Variants in DNAJC3 observed in about 807,000 individuals in gnomAD.
DNAJC3 encodes the protein DnaJ heat shock protein family (Hsp40) member C3.
DNAJC3 carries 38 observed loss-of-function variants against 68.6 expected under a neutral mutation model. The observed-to-expected ratio is 0.55, with a 90% CI of 0.43 to 0.73. The LOEUF is 0.73. DNAJC3 is among the 30% of genes least tolerant of loss of function. The pLI, the probability that DNAJC3 is intolerant of heterozygous loss-of-function variation, is 0.00. For missense variants in DNAJC3, 526 were observed against 591.9 expected, an observed-to-expected ratio of 0.89 and a Z score of 1.16; for synonymous variants, 203 against 204.0, an observed-to-expected ratio of 1.00 and a Z score of 0.04.
rs1555327897 is a variant in DNAJC3 at position 95,760,087 on chromosome 13, T to G, written c.594T>G (p.Phe198Leu). The G allele has an allele frequency of 3.1e-6, 5 of 1,611,208 alleles. No homozygotes were observed. The highest frequency in any genetic ancestry group is 4.2e-6 in the Non-Finnish European group (5 of 1,178,486). ...AELRELRAECFIKEGEPRKAI... is the reference protein window; with the variant it reads ...AELRELRAECLIKEGEPRKAI... ...TACGGGAACTTCGAGCTGAATGTTT[T>G]ATAAAAGAAGGAGAACCTAGGAAAG... The change falls in exon 6 of 12, where the codon TTT becomes TTG. Residue 198 changes from phenylalanine (F) to leucine (L), a missense_variant. Phe to Leu is a conservative substitution (Grantham distance 22). Transcript: ENST00000602402.
chr13:95,790,767 A>G, intron 11 of DNAJC3, 106 bp from the exon 12 acceptor site: 1 of 1,293,638 alleles, frequency 7.7e-7, no homozygotes, highest in South Asian at 1.4e-5. Context: ...ACCGAAAAGT[A>G]AGTAGCTCCT....
chr13:95,757,215 C>T (rs1405735472), intron 4 of DNAJC3, among the ~76,000 whole-genome samples: 1 of 151,810 alleles, frequency 6.6e-6, no homozygotes, highest in Non-Finnish European at 1.5e-5. Context: ...TTCAGTTTCC[C>T]TATGTGTTTC....
At chr13:95,762,438 G>A (rs551340746) in intron 7 of DNAJC3, among the ~76,000 whole-genome samples, 63 of 152,218 alleles carry the variant, frequency 4.1e-4, no homozygotes, top group African/African-American at 1.3e-3. Flanking sequence ...CCCAGGGAAC[G>A]TCTTACCATG....
chr13:95,728,014 A>G (rs1484204805), intron 4 of DNAJC3, among the ~76,000 whole-genome samples: 3 of 152,196 alleles, frequency 2.0e-5, no homozygotes, highest in African/African-American at 7.2e-5. Context: ...TTATACAAAA[A>G]TCTTTTAGAA....
At chr13:95,778,786 T>C (rs1212169697) in intron 9 of DNAJC3, among the ~76,000 whole-genome samples, 2 of 152,246 alleles carry the variant, frequency 1.3e-5, no homozygotes, top group East Asian at 3.8e-4. Context: ...ACTGTGTTTA[T>C]TCAGTATTTT....
chr13:95,720,316 G>A (rs1242819214), intron 2 of DNAJC3, among the ~76,000 whole-genome samples: 1 of 152,118 alleles, frequency 6.6e-6, no homozygotes, highest in Non-Finnish European at 1.5e-5. Flanking sequence ...TGCTTAGTGT[G>A]AATAAGCCAT....
intron 4 of DNAJC3, among the ~76,000 whole-genome samples, chr13:95,752,882 G>C (rs1882524702): frequency 6.6e-6 from 1 of 152,166 alleles, no homozygotes; most frequent in Admixed American, 6.5e-5. Flanking sequence ...AATTTGGCCT[G>C]TCCTGTTAAG....
chr13:95,704,855 T>TTTTGTTTTTTTTG lies in DNAJC3; in HGVS notation c.83-4369_83-4368insGTTTTTTTTGTTT, dbSNP rs1336629409. Among the ~76,000 whole-genome samples the TTTTGTTTTTTTTG allele has an allele frequency of 1.4e-4, 20 of 138,988 alleles. 2 individuals are homozygous for TTTTGTTTTTTTTG. Among genetic ancestry groups the TTTTGTTTTTTTTG allele is most frequent in the African/African-American group, 5.9e-4 (19 of 32,286 alleles). 91.2% of individuals were successfully genotyped at this position (138,988 alleles called of 152,430 possible). On this transcript the variant is annotated intron_variant, in intron 1 of 11. Coordinates refer to ENST00000602402, the MANE Select transcript of DNAJC3 (RefSeq NM_006260.5). The stretch of plus-strand genomic sequence containing the variant: ...AGGACTAATCTGTGTGTGTGTGTTT[T>TTTTGTTTTTTTTG]TTTTTTTTTTTTTTGAGACAGAGTC...
chr13:95,690,759 T>C (rs1442969196), intron 1 of DNAJC3, among the ~76,000 whole-genome samples: 2 of 133,762 alleles, frequency 1.5e-5, no homozygotes, highest in Non-Finnish European at 1.6e-5. Context: ...CGCCCCTCAC[T>C]TTCCGGATGG....
chr13:95,734,948 T>A (rs1881849576), intron 4 of DNAJC3, among the ~76,000 whole-genome samples: 2 of 146,950 alleles, frequency 1.4e-5, no homozygotes, highest in South Asian at 4.5e-4. Flanking sequence ...TAGGTATATC[T>A]CCCGATGCTA....
intron 11 of DNAJC3, among the ~76,000 whole-genome samples, chr13:95,787,669 GTTTT>G (rs58483078): frequency 2.1e-5 from 3 of 143,048 alleles, no homozygotes; most frequent in Non-Finnish European, 4.6e-5. Flanking sequence ...GCTTATATGT[GTTTT>G]TTTTTTTTTT....
intron 1 of DNAJC3, among the ~76,000 whole-genome samples, chr13:95,682,876 G>T (rs905661214): frequency 1.3e-5 from 2 of 152,134 alleles, no homozygotes; most frequent in African/African-American, 2.4e-5. Context: ...ATTATAATAC[G>T]TTTAAGTAAA....
rs372006877 is a variant in DNAJC3, at chr13:95,691,828, G to A, written c.82+14491G>A. ...GGCACCTTGGGAGGCGGAGGCTGGC[G>A]GATCACTCGCGGTTAGGAGCTGGAG... On this transcript the variant is annotated intron_variant, in intron 1 of 11. Coordinates refer to ENST00000602402, the MANE Select transcript of DNAJC3 (RefSeq NM_006260.5). 4.5e-4 allele frequency among the ~76,000 whole-genome samples: 69 copies of A among 152,356 alleles called. 2 individuals carry two copies. The South Asian group carries it at 5.0e-3, about 11-fold the overall frequency.
intron 4 of DNAJC3, among the ~76,000 whole-genome samples, chr13:95,729,024 T>G (rs1881618174): frequency 6.6e-6 from 1 of 152,144 alleles, no homozygotes; most frequent in African/African-American, 2.4e-5. Context: ...GTAACTTTTT[T>G]TTTTGCTCCC....
In DNAJC3 at chr13:95,760,819, A is replaced by G. The variant is rs543985044; in HGVS notation, c.848+21A>G. On this transcript the variant is annotated intron_variant, in intron 7 of 11. Coordinates refer to ENST00000602402, the MANE Select transcript of DNAJC3 (RefSeq NM_006260.5). The stretch of plus-strand genomic sequence containing the variant: ...GGCAGGTGAGAATATGGTTGTTCCA[A>G]CTGTCCAGCCATTCCTTATGTGCGG... 8.1e-6 allele frequency: 13 copies of G among 1,606,072 alleles called. No individual in the cohort carries two copies. In the African/African-American group the frequency reaches 1.1e-4, roughly 13 times the overall value.
At chr13:95,728,310 T>C (rs77784931) in intron 4 of DNAJC3, among the ~76,000 whole-genome samples, 2,594 of 152,356 alleles carry the variant, frequency 0.017, 79 homozygotes, top group African/African-American at 0.059. Context: ...TGTACCATTT[T>C]ACATTCCTCT....
intron 1 of DNAJC3, among the ~76,000 whole-genome samples, chr13:95,690,867 G>T (rs1880222947): frequency 7.1e-6 from 1 of 141,018 alleles, no homozygotes. Context: ...AGGGGCGGCC[G>T]GGCAGAGGCG....
chr13:95,693,386 A>G (rs1880335037), intron 1 of DNAJC3: 1 of 152,174 alleles, frequency 6.6e-6, no homozygotes, highest in Non-Finnish European at 1.5e-5. Context: ...CCTCCTTAAC[A>G]GCTGTTTGTA....
chr13:95,773,983 C>T (rs1250480483), intron 9 of DNAJC3, among the ~76,000 whole-genome samples: 1 of 152,272 alleles, frequency 6.6e-6, no homozygotes, highest in East Asian at 1.9e-4. Context: ...GATCCACCCG[C>T]CTTGGCCTCC....
Sources: allele counts gnomAD v4.1 joint callset (sites outside exome capture counted in the v4.1 genomes callset), GRCh38; gene constraint gnomAD v4.1.1; transcripts MANE v1.5; gene names NCBI Gene and HGNC (gene_info 2026-07-23, HGNC 2026-07-21).